The following ANKS1B variants were observed in gnomAD, a reference collection of about 807,000 sequenced individuals.
ANKS1B encodes the protein ankyrin repeat and sterile alpha motif domain-containing protein 1B.
A neutral mutation model predicts 148.3 loss-of-function variants in ANKS1B; 36 were observed. That is an observed-to-expected ratio of 0.24 (90% CI 0.19 to 0.32). The LOEUF (loss-of-function observed/expected upper bound fraction) is 0.32. Ranked by LOEUF, ANKS1B falls within the 10% of genes least tolerant of loss-of-function variation. ANKS1B has a pLI of 1.00. For synonymous variants in ANKS1B, 542 were observed against 560.8 expected, an observed-to-expected ratio of 0.97 and a Z score of 0.47; for missense variants, 1,157 against 1,542.6, an observed-to-expected ratio of 0.75 and a Z score of 4.19.
intron 17 of ANKS1B, among the ~76,000 whole-genome samples, chr12:98,856,955 A>T (rs916201524): frequency 6.4e-4 from 98 of 152,238 alleles, no homozygotes; most frequent in African/African-American, 2.3e-3. Context: ...AAGCAGTATT[A>T]CTCCACAAAC....
chr12:98,779,041 T>C (rs35187145), intron 24 of ANKS1B, among the ~76,000 whole-genome samples: 11,642 of 152,282 alleles, frequency 0.076, 602 homozygotes, highest in Non-Finnish European at 0.11. Flanking sequence ...GCCACCAACA[T>C]AGGCACTTTG....
chr12:99,764,848 T>C (rs942700146), intron 8 of ANKS1B, among the ~76,000 whole-genome samples: 5 of 152,230 alleles, frequency 3.3e-5, no homozygotes, highest in African/African-American at 1.2e-4. Context: ...TATTTAACAT[T>C]TGCAGTGAGG....
chr12:99,681,810 T>A (rs531015606), intron 8 of ANKS1B, among the ~76,000 whole-genome samples: 1 of 152,212 alleles, frequency 6.6e-6, no homozygotes, highest in African/African-American at 2.4e-5. Context: ...TCACATTAGC[T>A]CATCAGCAAT....
intron 12 of ANKS1B, among the ~76,000 whole-genome samples, chr12:99,312,287 T>C (rs987224768): frequency 3.3e-5 from 5 of 152,198 alleles, no homozygotes; most frequent in Admixed American, 1.3e-4. Flanking sequence ...TACGGACTTA[T>C]AAGCAGTGAA....
chr12:98,895,268 G>T, intron 17 of ANKS1B: 2 of 985,404 alleles, frequency 2.0e-6, no homozygotes, highest in South Asian at 9.4e-5. Context: ...GCTGCTGGGC[G>T]CCCCTCGCAT....
At chr12:99,050,730 C>T (rs2099965433) in intron 17 of ANKS1B, among the ~76,000 whole-genome samples, 1 of 127,118 alleles carries the variant, frequency 7.9e-6, no homozygotes, top group Non-Finnish European at 1.6e-5. Flanking sequence ...CTTGCTCAGT[C>T]ACCCAGGCTG....
At chr12:98,928,519 T>C (rs971658589) in intron 17 of ANKS1B, among the ~76,000 whole-genome samples, 11 of 152,018 alleles carry the variant, frequency 7.2e-5, no homozygotes, top group Admixed American at 4.6e-4. Flanking sequence ...TGCATATTGA[T>C]GCAACAATTC....
At chr12:99,039,243 G>GC (rs1280619310) in intron 17 of ANKS1B, among the ~76,000 whole-genome samples, 1 of 152,234 alleles carries the variant, frequency 6.6e-6, no homozygotes, top group African/African-American at 2.4e-5. Flanking sequence ...ACTGATGGCA[G>GC]CACCCAGGGA....
chr12:99,240,663 C>T lies in ANKS1B; in HGVS notation c.2419+3679G>A, dbSNP rs2089113905. The stretch of plus-strand genomic sequence containing the variant: ...TAGTTAGAAGTAAAACACTCCTCAG[C>T]AAATGTAAAAGAGCAGAAATCATAA... On this transcript the variant is annotated intron_variant, in intron 14 of 26. Coordinates refer to ENST00000683438, the MANE Select transcript of ANKS1B (RefSeq NM_001352186.2). Among the ~76,000 whole-genome samples the T allele has an allele frequency of 3.3e-5, 5 of 152,250 alleles. No individual in the cohort carries two copies. In the South Asian group the frequency reaches 1.0e-3, roughly 32 times the overall value.
intron 14 of ANKS1B, among the ~76,000 whole-genome samples, chr12:99,222,583 T>C (rs1448035061): frequency 6.6e-6 from 1 of 152,198 alleles, no homozygotes; most frequent in African/African-American, 2.4e-5. Flanking sequence ...GCCACTGCAC[T>C]CCAGCCAGCA....
At chr12:99,317,353 G>C (rs1174451843) in intron 12 of ANKS1B, among the ~76,000 whole-genome samples, 1 of 152,148 alleles carries the variant, frequency 6.6e-6, no homozygotes, top group East Asian at 1.9e-4. Context: ...GCAGTGGTTT[G>C]TAGTTCTCCT....
intron 5 of ANKS1B, among the ~76,000 whole-genome samples, chr12:99,781,150 T>C (rs1195527475): frequency 6.6e-6 from 1 of 151,758 alleles, no homozygotes; most frequent in African/African-American, 2.4e-5. Flanking sequence ...TAAATTTGCA[T>C]AGGAATGTGT....
rs140617140 is a variant in ANKS1B at position 99,100,692 on chromosome 12, G to C, written c.2527-15669C>G. The stretch of plus-strand genomic sequence containing the variant: ...TTACAGGCACATGCCATCACGCCCA[G>C]CTAAGTTTTGTATTTTTAGTAAAGA... On this transcript the variant is annotated intron_variant, in intron 15 of 26. Coordinates refer to ENST00000683438, the MANE Select transcript of ANKS1B (RefSeq NM_001352186.2). 0.012 allele frequency among the ~76,000 whole-genome samples: 1,779 copies of C among 152,290 alleles called. 82 individuals carry two copies. In the South Asian group the frequency reaches 0.16, roughly 13 times the overall value.
intron 9 of ANKS1B, among the ~76,000 whole-genome samples, chr12:99,551,654 A>G (rs2097220187): frequency 6.6e-6 from 1 of 151,940 alleles, no homozygotes; most frequent in African/African-American, 2.4e-5. Flanking sequence ...CATTTGAGCT[A>G]TGTCTTAGAG....
At chr12:98,808,781 T>C (rs2153618148) in intron 19 of ANKS1B, among the ~76,000 whole-genome samples, 1 of 152,284 alleles carries the variant, frequency 6.6e-6, no homozygotes, top group South Asian at 2.1e-4. Flanking sequence ...TTCCCGAATT[T>C]CATCATTCTA....
chr12:99,451,699 T>C (rs1054434215), intron 10 of ANKS1B, among the ~76,000 whole-genome samples: 4 of 152,184 alleles, frequency 2.6e-5, no homozygotes, highest in African/African-American at 9.7e-5. Context: ...TAAGCTGAAA[T>C]TCTGGTATAT....
chr12:98,834,500 AG>A (rs1455213160), intron 17 of ANKS1B, among the ~76,000 whole-genome samples: 1 of 152,208 alleles, frequency 6.6e-6, no homozygotes, highest in Non-Finnish European at 1.5e-5. Flanking sequence ...AATAGTTCAA[AG>A]CCCTTTAATC....
chr12:98,830,605 A>G (rs1299068519), intron 18 of ANKS1B, among the ~76,000 whole-genome samples: 2 of 152,228 alleles, frequency 1.3e-5, no homozygotes, highest in African/African-American at 2.4e-5. Context: ...GATAAGAGGC[A>G]GCCCACTGCA....
At chr12:99,176,944 T>C (rs1294971705) in intron 14 of ANKS1B, among the ~76,000 whole-genome samples, 2 of 152,190 alleles carry the variant, frequency 1.3e-5, no homozygotes, top group African/African-American at 4.8e-5. Flanking sequence ...GATGTTTCTT[T>C]ATTGCAATGC....
Sources: allele counts gnomAD v4.1 joint callset (sites outside exome capture counted in the v4.1 genomes callset), GRCh38; gene constraint gnomAD v4.1.1; transcripts MANE v1.5; gene names NCBI Gene and HGNC (gene_info 2026-07-23, HGNC 2026-07-21).